ADGRF1: variants seen among roughly 807,000 people sequenced by gnomAD.
ADGRF1 encodes the protein adhesion G protein-coupled receptor F1, also known as G protein-coupled receptor 110.
ADGRF1 carries 85 observed loss-of-function variants against 87.2 expected under a neutral mutation model. The observed-to-expected ratio is 0.97, with a 90% CI of 0.82 to 1.17. The LOEUF (loss-of-function observed/expected upper bound fraction) is 1.17, where lower values mean the gene tolerates loss of function less well. Among genes scored for constraint, ADGRF1 ranks in the 50% most tolerant of loss-of-function variants. The pLI is 0.00. For synonymous variants in ADGRF1, 430 were observed against 408.8 expected, an observed-to-expected ratio of 1.05 and a Z score of -0.63; for missense variants, 1,169 against 1,077.2, an observed-to-expected ratio of 1.09 and a Z score of -1.19.
chr6:47,025,967 G>T lies in ADGRF1; in HGVS notation c.164C>A (p.Thr55Asn). The T allele has an allele frequency of 6.2e-7, 1 of 1,609,390 alleles. No individual in the cohort carries two copies. ...TCTTTTCTCCTTGGAATCTCTATAG[G>T]TCACCTGAAGCAGCAGCTGATATTC... ...VEEYQLLLQV[T>N]YRDSKEKRDL... Residue 55 changes from threonine to asparagine, a missense_variant, in exon 4 of 15, where the codon ACC becomes AAC. Coordinates refer to ENST00000371253, the MANE Select transcript of ADGRF1 (RefSeq NM_153840.4).
chr6:46,999,529 T>G lies in ADGRF1; in HGVS notation c.*693A>C, dbSNP rs1779302230. 6.6e-6 allele frequency: 1 copy of G among 152,230 alleles called. No homozygotes were observed. The highest frequency in any genetic ancestry group is 2.4e-5 in the African/African-American group (1 of 41,466). The allele number at this position is 152,230 out of a possible 1,614,324, so 9.4% of individuals were successfully genotyped here. A position where few individuals can be genotyped will look rare whatever the true frequency, so the allele number is the denominator to read the frequency against. On this transcript the variant is annotated 3_prime_UTR_variant, in exon 15 of 15. Transcript: ENST00000371253. ...CCTCATCTCTGCACTAGGTCTGCCT[T>G]GACACTTTTGTTTGCAGGGTTTAGG...
Position 47,009,091 on chromosome 6 carries a change from C to A in ADGRF1, c.2344G>T (p.Asp782Tyr). 13 of 1,614,098 alleles carry A rather than the reference C, an allele frequency of 8.1e-6. No individual in the cohort carries two copies. Among genetic ancestry groups the A allele is most frequent in the Non-Finnish European group, 1.1e-5 (13 of 1,180,012 alleles). ...PTVGERLSRD[D>Y]KATIIRVGKS... ...CCCACGCGGATGATGGTGGCCTTGT[C>A]ATCCCGACTCAGTCTTTCCCCAACA... Residue 782 changes from aspartate to tyrosine, a missense_variant, in exon 11 of 15, where the codon GAC becomes TAC. Coordinates refer to ENST00000371253, the MANE Select transcript of ADGRF1 (RefSeq NM_153840.4).
chr6:47,018,831 T>C (rs937209199), intron 7 of ADGRF1: 2 of 267,894 alleles, frequency 7.5e-6, no homozygotes, highest in Admixed American at 5.0e-5. Context: ...TCGTGTCTCA[T>C]GCCTGTAATG....
intron 2 of ADGRF1, among the ~76,000 whole-genome samples, chr6:47,028,564 G>C (rs1299480065): frequency 6.6e-6 from 1 of 152,134 alleles, no homozygotes; most frequent in Non-Finnish European, 1.5e-5. Context: ...CTGAGATGGA[G>C]CTATACAGCT....
chr6:47,010,289 A>G lies in ADGRF1; in HGVS notation c.1146T>C (p.Leu382=). The part of the protein sequence containing the change: ...EDVISIADNI[L]NSASVTNWTV... Reference sequence around the variant, plus strand: ...TCCAGTTGGTTACTGAGGCTGAATTAAGGATATTGTCAGCTATACTGATGA... The same window carrying G: ...TCCAGTTGGTTACTGAGGCTGAATTGAGGATATTGTCAGCTATACTGATGA... Residue 382 remains leucine, a synonymous_variant, in exon 11 of 15, where the codon CTT becomes CTC. Coordinates refer to ENST00000371253, the MANE Select transcript of ADGRF1 (RefSeq NM_153840.4). The G allele has an allele frequency of 6.2e-7, 1 of 1,612,168 alleles. No homozygotes were observed. Among genetic ancestry groups the G allele is most frequent in the South Asian group, 1.1e-5 (1 of 90,728 alleles).
rs765706603 is a variant in ADGRF1, at chr6:47,027,737, T to C, written c.94A>G (p.Lys32Glu). 2 of 1,600,092 alleles carry C rather than the reference T, an allele frequency of 1.2e-6. No homozygotes were observed. The highest frequency in any genetic ancestry group is 1.7e-6 in the Non-Finnish European group (2 of 1,167,844). ...TTTTTCTTATTCACAATGAGTTCTT[T>C]TTTTGTTTTGATGCCATCATTTTTC... is the stretch of plus-strand genomic sequence containing the variant. ...LGKNDGIKTK[K>E]ELIVNKKKHL... Residue 32 changes from lysine to glutamate, a missense_variant, in exon 3 of 15, where the codon AAA (lysine) becomes GAA (glutamate). Lys to Glu is a moderately conservative substitution (Grantham distance 56). Coordinates refer to ENST00000371253, the MANE Select transcript of ADGRF1 (RefSeq NM_153840.4).
intron 1 of ADGRF1, among the ~76,000 whole-genome samples, chr6:47,032,565 T>G (rs377477283): frequency 6.6e-6 from 1 of 152,244 alleles, no homozygotes; most frequent in African/African-American, 2.4e-5. Flanking sequence ...GTAGCTGTAC[T>G]AGCCAGGGTC....
chr6:47,015,843 CCT>C lies in ADGRF1; in HGVS notation c.763+772_763+773del, dbSNP rs1485060426. ...AAACTTCTGATCTCAGGCAATCTGC[CCT>C]CTTTGGCCTCCCAAAGTTTTGGGAT... On this transcript the variant is annotated intron_variant, in intron 8 of 14. Transcript: ENST00000371253. Among the ~76,000 whole-genome samples, 9 of 152,040 alleles carry C rather than the reference CCT, an allele frequency of 5.9e-5. No individual in the cohort carries two copies. The East Asian group carries it at 1.7e-3, about 29-fold the overall frequency.
rs372277723 is a variant in ADGRF1, at chr6:47,008,965, C to T, written c.2470G>A (p.Ala824Thr). 7.5e-6 allele frequency: 12 copies of T among 1,601,734 alleles called. No individual in the cohort carries two copies. The highest frequency in any genetic ancestry group is 1.0e-5 in the Non-Finnish European group (12 of 1,171,904). ...SQNLAWHVIF[A>T]LLNAFQGFFI... ...CTCACCTGGAATGCATTGAGTAAAG[C>T]AAAAATAACATGCCAAGCCAGATTC... The change falls in exon 11 of 15, where the codon GCT becomes ACT. Residue 824 changes from alanine to threonine, a missense_variant. Ala to Thr is a moderately conservative substitution (Grantham distance 58). Transcript: ENST00000371253.
Position 47,021,952 on chromosome 6 carries a change from G to T in ADGRF1, c.552+6C>A. On this transcript the variant is annotated splice_donor_region_variant and intron_variant, in intron 6 of 14. Coordinates refer to ENST00000371253, the MANE Select transcript of ADGRF1 (RefSeq NM_153840.4). The stretch of plus-strand genomic sequence containing the variant: ...ATTCCTTATATAATAAGTAGAAAGT[G>T]CTTACTTGAATTTCAATTCCATTTG... The T allele has an allele frequency of 6.8e-7, 1 of 1,472,640 alleles. No homozygotes were observed. The highest frequency in any genetic ancestry group is 9.4e-7 in the Non-Finnish European group (1 of 1,059,992). 91.2% of individuals were successfully genotyped at this position (1,472,640 alleles called of 1,614,324 possible). A position where few individuals can be genotyped will look rare whatever the true frequency, so the allele number is the denominator to read the frequency against.
intron 11 of ADGRF1, among the ~76,000 whole-genome samples, chr6:47,007,769 T>C (rs1018037175): frequency 6.6e-6 from 1 of 152,190 alleles, no homozygotes; most frequent in African/African-American, 2.4e-5. Flanking sequence ...AATGTTTTGG[T>C]GGATCTTGAA....
At chr6:47,015,644 G>C (rs1779849570) in intron 8 of ADGRF1, among the ~76,000 whole-genome samples, 1 of 152,016 alleles carries the variant, frequency 6.6e-6, no homozygotes, top group South Asian at 2.1e-4. Context: ...CTGGAGTTAA[G>C]TGGAGTGATC....
intron 5 of ADGRF1, among the ~76,000 whole-genome samples, chr6:47,022,295 A>G (rs1164774231): frequency 6.6e-6 from 1 of 152,240 alleles, no homozygotes; most frequent in Non-Finnish European, 1.5e-5. Flanking sequence ...CCTTAAAAGT[A>G]GGTAAATGCG....
At position 47,008,992 on chromosome 6, in the gene ADGRF1, G is replaced by T. The variant is rs866397544; in HGVS notation, c.2443C>A (p.Gln815Lys). 2.5e-6 allele frequency: 4 copies of T among 1,610,810 alleles called. No individual in the cohort carries two copies. In the Admixed American group the frequency reaches 5.0e-5, roughly 20 times the overall value. ...GFGIGTIVDS[Q>K]NLAWHVIFAL... is the part of the protein sequence containing the mutation. ...AAAATAACATGCCAAGCCAGATTCT[G>T]GCTGTCCACTATTGTTCCTATTCCA... Residue 815 changes from glutamine to lysine, a missense_variant, in exon 11 of 15, where the codon CAG (glutamine) becomes AAG (lysine). By Grantham distance (53) the Gln-to-Lys change is moderately conservative. Coordinates refer to ENST00000371253, the MANE Select transcript of ADGRF1 (RefSeq NM_153840.4).
rs757488925 is a variant in ADGRF1 at position 47,022,060 on chromosome 6, T to C, written c.452-2A>G. ...TAATTTTGAAAGTGCCCCAAATCTC[T>C]GTAGGAAATAAAAATAAGTTTATAG... is the stretch of plus-strand genomic sequence containing the variant. On this transcript the variant is annotated splice_acceptor_variant, in intron 5 of 14. Coordinates refer to ENST00000371253, the MANE Select transcript of ADGRF1 (RefSeq NM_153840.4). LOFTEE classifies it high-confidence loss of function. 1.3e-6 allele frequency: 2 copies of C among 1,510,246 alleles called. No homozygotes were observed. The highest frequency in any genetic ancestry group is 2.4e-5 in the South Asian group (2 of 82,440). The allele number at this position is 1,510,246 out of a possible 1,614,324, so 93.6% of individuals were successfully genotyped here.
Position 47,009,371 on chromosome 6 carries a change from G to A in ADGRF1, c.2064C>T (p.Leu688=), listed in dbSNP as rs139711395. ...AATGCTGGGCCATGTGATGGAACAC[G>A]AGGATGATCCGGTAAGCCAGCAGGA... ...LGILLAYRII[L]VFHHMAQHLM... is the part of the protein sequence containing the mutation. The change falls in exon 11 of 15, where the codon CTC becomes CTT. Residue 688 remains leucine, a synonymous_variant. Transcript: ENST00000371253. The A allele has an allele frequency of 2.2e-3, 3,517 of 1,614,096 alleles. 6 individuals carry two copies. Among genetic ancestry groups the A allele is most frequent in the Non-Finnish European group, 2.6e-3 (3,059 of 1,180,006 alleles).
chr6:47,015,265 T>C (rs909665305), intron 8 of ADGRF1, among the ~76,000 whole-genome samples: 2 of 152,264 alleles, frequency 1.3e-5, no homozygotes, highest in African/African-American at 4.8e-5. Flanking sequence ...CAGTTGCTAT[T>C]TGTGGGTAGC....
intron 11 of ADGRF1, among the ~76,000 whole-genome samples, chr6:47,008,035 C>T (rs765616993): frequency 6.6e-6 from 1 of 152,080 alleles, no homozygotes; most frequent in Non-Finnish European, 1.5e-5. Context: ...CTCATTTAAC[C>T]CTCACATTTA....
At chr6:47,007,584 A>G (rs1226029382) in intron 11 of ADGRF1, among the ~76,000 whole-genome samples, 3 of 152,202 alleles carry the variant, frequency 2.0e-5, no homozygotes, top group Non-Finnish European at 4.4e-5. Context: ...ATCCCAACCC[A>G]AACAAATAGC....
Sources: gnomAD v4.1 joint callset for allele counts (sites outside exome capture counted in the v4.1 genomes callset) on GRCh38, gnomAD v4.1.1 for gene constraint, MANE v1.5 for transcripts, NCBI Gene and HGNC (gene_info 2026-07-23, HGNC 2026-07-21) for gene names.